Variants in LRMDA observed in about 807,000 individuals in gnomAD.
LRMDA encodes leucine rich melanocyte differentiation associated, also known as leucine-rich melanocyte differentiation-associated protein.
Under a neutral mutation model 29.8 loss-of-function variants are expected in LRMDA, and 18 were observed. The observed-to-expected ratio is 0.60, with a 90% confidence interval of 0.42 to 0.90. The LOEUF is 0.90. Among genes scored for constraint, LRMDA ranks in the 40% least tolerant of loss-of-function variants. LRMDA has a pLI of 0.00. For missense variants in LRMDA, 273 were observed against 273.9 expected (o/e 1.00, Z 0.02); for synonymous variants, 125 against 109.4 (o/e 1.14, Z -0.89).
At chr10:76,363,171 A>AGG (rs1564520638) in intron 6 of LRMDA, among the ~76,000 whole-genome samples, 2 of 32,494 alleles carry the variant, frequency 6.2e-5, no homozygotes, top group African/African-American at 1.2e-4. Flanking sequence ...GAAAGAAAGA[A>AGG]AGAAAGGAGG....
At chr10:75,581,246 A>T (rs1840586746) in intron 2 of LRMDA, among the ~76,000 whole-genome samples, 1 of 152,162 alleles carries the variant, frequency 6.6e-6, no homozygotes, top group South Asian at 2.1e-4. Flanking sequence ...CCATCAAAAA[A>T]TGGGTGAAGT....
chr10:75,432,803 G>A (rs1359670302), intron 1 of LRMDA, among the ~76,000 whole-genome samples: 1 of 152,210 alleles, frequency 6.6e-6, no homozygotes, highest in Non-Finnish European at 1.5e-5. Flanking sequence ...ACTAGCCGCT[G>A]CCTGTTTTCT....
chr10:75,563,503 ATCT>A, intron 2 of LRMDA, among the ~76,000 whole-genome samples: 1 of 151,710 alleles, frequency 6.6e-6, no homozygotes, highest in Non-Finnish European at 1.5e-5. Context: ...GAGTAGTTTG[ATCT>A]TCTGAAGCCT....
At chr10:75,513,110 A>G (rs923321198) in intron 2 of LRMDA, among the ~76,000 whole-genome samples, 2 of 152,206 alleles carry the variant, frequency 1.3e-5, no homozygotes, top group Admixed American at 6.5e-5. Context: ...GTTACTTGTT[A>G]AAACCTTTCA....
intron 6 of LRMDA, among the ~76,000 whole-genome samples, chr10:76,455,028 C>T (rs16933554): frequency 0.03 from 4,601 of 152,166 alleles, 186 homozygotes; most frequent in African/African-American, 0.084. Flanking sequence ...ATGCCAGAGT[C>T]GGAGAGGCCA....
At chr10:76,247,319 G>A (rs1400905583) in intron 5 of LRMDA, among the ~76,000 whole-genome samples, 1 of 152,132 alleles carries the variant, frequency 6.6e-6, no homozygotes, top group African/African-American at 2.4e-5. Context: ...AGGGAGTCTT[G>A]GGGTTTCTCA....
chr10:76,323,866 T>G (rs1840801764), intron 5 of LRMDA, among the ~76,000 whole-genome samples: 1 of 152,226 alleles, frequency 6.6e-6, no homozygotes, highest in Admixed American at 6.5e-5. Context: ...CTGCTGTTGT[T>G]AAACTGAGCC....
intron 2 of LRMDA, among the ~76,000 whole-genome samples, chr10:75,839,252 A>G (rs763278644): frequency 3.1e-4 from 47 of 152,334 alleles, no homozygotes; most frequent in Admixed American, 1.2e-3. Flanking sequence ...AGCATGAGAA[A>G]TAGGTGCAGC....
intron 2 of LRMDA, among the ~76,000 whole-genome samples, chr10:75,513,194 T>C (rs773017911): frequency 2.3e-4 from 35 of 152,196 alleles, no homozygotes; most frequent in Admixed American, 1.4e-3. Flanking sequence ...TGAAGGAGTT[T>C]TTTCCCCCAC....
At chr10:76,278,859 A>G (rs1017663227) in intron 5 of LRMDA, among the ~76,000 whole-genome samples, 1 of 152,214 alleles carries the variant, frequency 6.6e-6, no homozygotes, top group Non-Finnish European at 1.5e-5. Context: ...ATTTGGTGCT[A>G]TGATTAGATA....
chr10:76,441,591 A>G (rs1432294530), intron 6 of LRMDA, among the ~76,000 whole-genome samples: 2 of 152,122 alleles, frequency 1.3e-5, no homozygotes, highest in Non-Finnish European at 2.9e-5. Context: ...ATCAATAGAG[A>G]GCCCCCTAAA....
chr10:76,261,157 TG>T (rs1349075723), intron 5 of LRMDA, among the ~76,000 whole-genome samples: 3 of 148,708 alleles, frequency 2.0e-5, no homozygotes, highest in African/African-American at 7.4e-5. Flanking sequence ...CTCCACCTCC[TG>T]GGTTCACGCC....
chr10:75,460,844 A>G (rs1346252089), intron 2 of LRMDA, among the ~76,000 whole-genome samples: 1 of 152,126 alleles, frequency 6.6e-6, no homozygotes, highest in Non-Finnish European at 1.5e-5. Context: ...ACATATTTAT[A>G]TATTTTCCAC....
chr10:76,439,734 A>G (rs1842281632), intron 6 of LRMDA, among the ~76,000 whole-genome samples: 1 of 152,212 alleles, frequency 6.6e-6, no homozygotes, highest in Non-Finnish European at 1.5e-5. Context: ...GAGAGGTGCC[A>G]GCAGGGATGG....
intron 6 of LRMDA, among the ~76,000 whole-genome samples, chr10:76,490,264 C>T (rs1031836682): frequency 4.0e-5 from 6 of 151,788 alleles, no homozygotes; most frequent in Admixed American, 1.3e-4. Flanking sequence ...GTTCTGCAGC[C>T]GTTAGATGAA....
intron 2 of LRMDA, among the ~76,000 whole-genome samples, chr10:75,596,037 ATGTT>A (rs1467098428): frequency 4.6e-5 from 7 of 152,192 alleles, no homozygotes; most frequent in Middle Eastern, 3.4e-3. Context: ...CTAGTGTTGT[ATGTT>A]TGTTTGCATG....
At chr10:76,329,181 A>G (rs1165845640) in intron 6 of LRMDA, among the ~76,000 whole-genome samples, 1 of 152,218 alleles carries the variant, frequency 6.6e-6, no homozygotes, top group Non-Finnish European at 1.5e-5. Context: ...ACCTAGGCTG[A>G]TTCACTGAAG....
intron 2 of LRMDA, among the ~76,000 whole-genome samples, chr10:75,597,953 G>T (rs1378262090): frequency 1.3e-5 from 2 of 152,120 alleles, no homozygotes; most frequent in African/African-American, 4.8e-5. Flanking sequence ...GCCTGAGGGG[G>T]AGTACAAGGG....
chr10:76,174,990 G>A (rs1041416128), intron 5 of LRMDA, among the ~76,000 whole-genome samples: 2 of 152,102 alleles, frequency 1.3e-5, no homozygotes, highest in African/African-American at 2.4e-5. Flanking sequence ...GCATAGTGGC[G>A]TGCGCCTGTA....
Sources: allele counts gnomAD v4.1 joint callset (sites outside exome capture counted in the v4.1 genomes callset), GRCh38; gene constraint gnomAD v4.1.1; transcripts MANE v1.5; gene names NCBI Gene and HGNC (gene_info 2026-07-23, HGNC 2026-07-21).